Variants in RAB6B observed in about 807,000 individuals in gnomAD.
The protein encoded by RAB6B is ras-related protein Rab-6B.
Under a neutral mutation model 31.2 loss-of-function variants are expected in RAB6B, and 7 were observed. The ratio of observed to expected loss-of-function variants is 0.22; its 90% CI spans 0.13 to 0.42. The LOEUF (loss-of-function observed/expected upper bound fraction) is 0.42. RAB6B is among the 10% of genes least tolerant of loss of function. The probability of loss-of-function intolerance (pLI) is 1.00; values close to 1 mark genes in which losing one functional copy is unlikely to be tolerated. For synonymous variants in RAB6B, 105 were observed against 104.9 expected, an observed-to-expected ratio of 1.00 and a Z score of -0.01; for missense variants, 149 against 280.6, an observed-to-expected ratio of 0.53 and a Z score of 3.35.
rs1237370818 is a variant in RAB6B, at chr3:133,826,972, A to G, written c.*1816T>C. 2 of 152,696 alleles carry G rather than the reference A, an allele frequency of 1.3e-5. No homozygotes were observed. Among genetic ancestry groups the G allele is most frequent in the African/African-American group, 4.8e-5 (2 of 41,470 alleles). 9.5% of individuals were successfully genotyped at this position (152,696 alleles called of 1,614,324 possible). A position where few individuals can be genotyped will look rare whatever the true frequency, so the allele number is the denominator to read the frequency against. Reference sequence around the variant, plus strand: ...GTACACACATATAAAAACTAAACACATGACATCTGAAACACGTTCAAACAT... The same window carrying G: ...GTACACACATATAAAAACTAAACACGTGACATCTGAAACACGTTCAAACAT... On this transcript the variant is annotated 3_prime_UTR_variant, in exon 8 of 8. Transcript: ENST00000285208.
chr3:133,835,129 T>C (rs545528530), intron 6 of RAB6B, among the ~76,000 whole-genome samples: 1 of 152,262 alleles, frequency 6.6e-6, no homozygotes, highest in East Asian at 1.9e-4. Context: ...CAGGGCTGCA[T>C]GGGCACAGTG....
intron 6 of RAB6B, among the ~76,000 whole-genome samples, chr3:133,836,456 A>C (rs1019727121): frequency 7.4e-6 from 1 of 134,546 alleles, no homozygotes; most frequent in Non-Finnish European, 1.7e-5. Context: ...ATATGCTCAC[A>C]TTTAGATCCA....
chr3:133,882,663 C>T (rs79958058), intron 1 of RAB6B, among the ~76,000 whole-genome samples: 8,206 of 152,298 alleles, frequency 0.054, 551 homozygotes, highest in African/African-American at 0.16. Flanking sequence ...AGTTCTCCCA[C>T]ATCACACCCA....
chr3:133,892,409 T>A (rs1936649619), intron 1 of RAB6B, among the ~76,000 whole-genome samples: 1 of 152,128 alleles, frequency 6.6e-6, no homozygotes, highest in Non-Finnish European at 1.5e-5. Flanking sequence ...CTTGAGGTAT[T>A]TCCTCCAGAG....
At chr3:133,855,713 T>G (rs374164573) in intron 2 of RAB6B, among the ~76,000 whole-genome samples, 1 of 152,134 alleles carries the variant, frequency 6.6e-6, no homozygotes, top group Admixed American at 6.5e-5. Flanking sequence ...ACCTACAAAA[T>G]GAATTAGGAG....
At chr3:133,886,505 A>G (rs1409956816) in intron 1 of RAB6B, among the ~76,000 whole-genome samples, 2 of 152,162 alleles carry the variant, frequency 1.3e-5, no homozygotes, top group East Asian at 3.9e-4. Context: ...GTGGCCCCAG[A>G]GGAGCAGGCA....
chr3:133,868,392 A>C lies in RAB6B; in HGVS notation c.71-3750T>G, dbSNP rs371820836. ...GCATGGGGCATCCCAGCAGGCCTGC[A>C]GCCTGGCAGGTGGAAGAGCCAGGAG... On this transcript the variant is annotated intron_variant, in intron 1 of 7. Coordinates refer to ENST00000285208, the MANE Select transcript of RAB6B (RefSeq NM_016577.4). Among the ~76,000 whole-genome samples the C allele has an allele frequency of 2.0e-5, 3 of 152,326 alleles. No homozygotes were observed. The South Asian group carries it at 6.2e-4, about 32-fold the overall frequency.
At position 133,828,756 on chromosome 3, in the gene RAB6B, A is replaced by C. The variant is rs1935612266; in HGVS notation, c.*32T>G. 1.9e-6 allele frequency: 3 copies of C among 1,570,128 alleles called. No individual in the cohort carries two copies. Among genetic ancestry groups the C allele is most frequent in the East Asian group, 2.2e-5 (1 of 44,650 alleles). ...ATAGGAAGCAACACAACAAGCAAGG[A>C]GTGTCATGGGAAGCCACAGGTCGGC... is the stretch of plus-strand genomic sequence containing the variant. On this transcript the variant is annotated 3_prime_UTR_variant, in exon 8 of 8. Coordinates refer to ENST00000285208, the MANE Select transcript of RAB6B (RefSeq NM_016577.4).
intron 2 of RAB6B, among the ~76,000 whole-genome samples, chr3:133,862,738 T>G (rs955439938): frequency 6.6e-6 from 1 of 152,040 alleles, no homozygotes; most frequent in Non-Finnish European, 1.5e-5. Context: ...TTGAGGAACT[T>G]GAATGACATG....
intron 2 of RAB6B, among the ~76,000 whole-genome samples, chr3:133,846,142 A>C (rs1348439342): frequency 6.6e-6 from 1 of 152,160 alleles, no homozygotes; most frequent in African/African-American, 2.4e-5. Context: ...ATATCAAGTG[A>C]GCTGACATAA....
chr3:133,871,984 G>A (rs540966150), intron 1 of RAB6B, among the ~76,000 whole-genome samples: 15 of 152,328 alleles, frequency 9.8e-5, no homozygotes, highest in Non-Finnish European at 1.9e-4. Flanking sequence ...AGGGCAGGCA[G>A]GACAGATGTG....
chr3:133,854,857 G>A (rs1936052420), intron 2 of RAB6B, among the ~76,000 whole-genome samples: 2 of 152,224 alleles, frequency 1.3e-5, no homozygotes, highest in Admixed American at 6.5e-5. Context: ...TCTTTGCTAT[G>A]TGCATTTATT....
chr3:133,849,046 A>G (rs1382509827), intron 2 of RAB6B, among the ~76,000 whole-genome samples: 2 of 152,016 alleles, frequency 1.3e-5, no homozygotes, highest in South Asian at 4.2e-4. Context: ...TCTGTACAGA[A>G]CTCCTCATAA....
At chr3:133,841,934 TGAG>T (rs1935841741) in intron 2 of RAB6B, among the ~76,000 whole-genome samples, 1 of 152,152 alleles carries the variant, frequency 6.6e-6, no homozygotes, top group African/African-American at 2.4e-5. Flanking sequence ...AGCGCAGTGG[TGAG>T]GAGGCCTCCC....
At chr3:133,894,673 A>G (rs1936682592) in intron 1 of RAB6B, 1 of 152,168 alleles carries the variant, frequency 6.6e-6, no homozygotes, top group Admixed American at 6.5e-5. Context: ...GAGTTGGGGT[A>G]GCCCTCACTG....
Position 133,867,726 on chromosome 3 carries a change from G to A in RAB6B, c.71-3084C>T, listed in dbSNP as rs149984731. 1.9e-3 allele frequency among the ~76,000 whole-genome samples: 290 copies of A among 152,308 alleles called. 2 individuals are homozygous for A. The highest frequency in any genetic ancestry group is 6.6e-3 in the African/African-American group (276 of 41,556). On this transcript the variant is annotated intron_variant, in intron 1 of 7. Transcript: ENST00000285208. ...TGAAAGGTCAGAAACTGGTCACTGA[G>A]GTGCCCTGGAAGTGCTTTGTGGGGT...
chr3:133,836,497 G>A (rs1935736880), intron 6 of RAB6B, among the ~76,000 whole-genome samples: 1 of 152,170 alleles, frequency 6.6e-6, no homozygotes, highest in South Asian at 2.1e-4. Context: ...ACTCCTCTGA[G>A]CCACACAGGG....
At chr3:133,884,901 C>CG (rs1386460016) in intron 1 of RAB6B, among the ~76,000 whole-genome samples, 2 of 87,624 alleles carry the variant, frequency 2.3e-5, no homozygotes, top group Non-Finnish European at 2.1e-5. Flanking sequence ...AATCAGAGGA[C>CG]GGGGGGGCTT....
chr3:133,839,288 C>G (rs1189068958), intron 5 of RAB6B, among the ~76,000 whole-genome samples: 1 of 152,212 alleles, frequency 6.6e-6, no homozygotes, highest in African/African-American at 2.4e-5. Flanking sequence ...AAGTGCCCCG[C>G]CCCTGCCTGG....
Sources: allele counts gnomAD v4.1 joint callset (sites outside exome capture counted in the v4.1 genomes callset), GRCh38; gene constraint gnomAD v4.1.1; transcripts MANE v1.5; gene names NCBI Gene and HGNC (gene_info 2026-07-23, HGNC 2026-07-21).